Variants in FADS1 observed in about 807,000 individuals in gnomAD.
The protein encoded by FADS1 is fatty acid desaturase 1.
Under a neutral mutation model 61.6 loss-of-function variants are expected in FADS1, and 17 were observed. The observed-to-expected ratio is 0.28, with a 90% confidence interval of 0.19 to 0.41. The LOEUF (loss-of-function observed/expected upper bound fraction) is 0.41, where lower values mean the gene tolerates loss of function less well. Ranked by LOEUF, FADS1 falls within the 10% of genes least tolerant of loss-of-function variation. The pLI is 1.00. For missense variants in FADS1, 387 were observed against 650.9 expected (o/e 0.59, Z 4.41); for synonymous variants, 238 against 258.7 (o/e 0.92, Z 0.77).
chr11:61,802,242 A>C lies in FADS1; in HGVS notation c.*169T>G, dbSNP rs2066860408. ...GTGTCCACCCCCCACTTTGGGTCTT[A>C]GAACTGTGGCTAGAAGATAAAAGGG... On this transcript the variant is annotated 3_prime_UTR_variant, in exon 12 of 12. Coordinates refer to ENST00000350997, the MANE Select transcript of FADS1 (RefSeq NM_013402.7). The surrounding 1 kb of genome is among the most constrained non-coding windows in gnomAD (Gnocchi z 4.2). 3 of 657,318 alleles carry C rather than the reference A, an allele frequency of 4.6e-6. No individual in the cohort carries two copies. The highest frequency in any genetic ancestry group is 3.6e-5 in the South Asian group (2 of 55,986). The allele number at this position is 657,318 out of a possible 1,614,324, so 40.7% of individuals were successfully genotyped here. A position where few individuals can be genotyped will look rare whatever the true frequency, so the allele number is the denominator to read the frequency against.
In FADS1 at chr11:61,816,744, C is replaced by T. The variant is rs1364380970; in HGVS notation, c.186G>A (p.Pro62=). The change falls in exon 1 of 12, where the codon CCG becomes CCA. Residue 62 remains proline (P), a synonymous_variant. Coordinates refer to ENST00000350997, the MANE Select transcript of FADS1 (RefSeq NM_013402.7). The surrounding 1 kb of genome is among the most constrained non-coding windows in gnomAD (Gnocchi z 7.0). ...CCTGAGCCGCGGTCTCGGCGGCCAC[C>T]GGGTCGGGGGCCATAGCTGGCCTGG... The part of the protein sequence containing the change: ...GVARPAMAPD[P]VAAETAAQGP... The T allele has an allele frequency of 1.3e-6, 2 of 1,551,944 alleles. No individual in the cohort carries two copies. The highest frequency in any genetic ancestry group is 1.7e-6 in the Non-Finnish European group (2 of 1,149,584).
chr11:61,816,090 A>G lies in FADS1; in HGVS notation c.375+465T>C. Reference sequence around the variant, plus strand: ...TGCTCCCTCTCCGCTCCTGCTGGCGAGTGGAGACCGGCACCTAGGTCCAGA... The same window carrying G: ...TGCTCCCTCTCCGCTCCTGCTGGCGGGTGGAGACCGGCACCTAGGTCCAGA... On this transcript the variant is annotated intron_variant, in intron 1 of 11. Transcript: ENST00000350997. The surrounding 1 kb of genome is among the most constrained non-coding windows in gnomAD (Gnocchi z 7.0). 1 of 609,178 alleles carries G rather than the reference A, an allele frequency of 1.6e-6. No homozygotes were observed. Among genetic ancestry groups the G allele is most frequent in the Non-Finnish European group, 2.9e-6 (1 of 348,692 alleles). The allele number at this position is 609,178 out of a possible 1,614,324, so 37.7% of individuals were successfully genotyped here. A position where few individuals can be genotyped will look rare whatever the true frequency, so the allele number is the denominator to read the frequency against.
At chr11:61,806,856 A>G in intron 5 of FADS1, 132 bp from the exon 6 acceptor site, 1 of 801,384 alleles carries the variant, frequency 1.2e-6, no homozygotes, top group Non-Finnish European at 2.2e-6. Context: ...GAAAGCTCCA[A>G]GAGGCCCAGC....
rs201616473 is a variant in FADS1 at position 61,802,895 on chromosome 11, G to A, written c.1360C>T (p.His454Tyr). ...GACTGCACCAGGGGAGCCACTTTGT[G>A]GTAATTGTGTCGAGGCATCGTGGGA... is the stretch of plus-strand genomic sequence containing the variant. Reference protein sequence around the residue: ...LFPTMPRHNYHKVAPLVQSLC... With the variant: ...LFPTMPRHNYYKVAPLVQSLC... Residue 454 changes from histidine (H) to tyrosine (Y), a missense_variant, in exon 11 of 12, where the codon CAC becomes TAC. His to Tyr is a moderately conservative substitution (Grantham distance 83). This residue lies in a region of FADS1 where 257 missense variants were observed against 533.3 expected (regional missense o/e 0.48). Coordinates refer to ENST00000350997, the MANE Select transcript of FADS1 (RefSeq NM_013402.7). The surrounding 1 kb of genome is among the most constrained non-coding windows in gnomAD (Gnocchi z 4.2). 116 of 1,614,066 alleles carry A rather than the reference G, an allele frequency of 7.2e-5. No individual in the cohort carries two copies. The African/African-American group carries it at 1.4e-3, about 19-fold the overall frequency.
Position 61,806,980 on chromosome 11 carries a change from G to A in FADS1, c.916-256C>T, listed in dbSNP as rs538005771. 1.8e-4 allele frequency among the ~76,000 whole-genome samples: 27 copies of A among 152,376 alleles called. No homozygotes were observed. The South Asian group carries it at 1.9e-3, about 11-fold the overall frequency. On this transcript the variant is annotated intron_variant, in intron 5 of 11. Transcript: ENST00000350997. Reference sequence around the variant, plus strand: ...ACATGAGGGATGTGCACAGCACAGAGTCTACAGGACCACAGGCCCTCTTGT... The same window carrying A: ...ACATGAGGGATGTGCACAGCACAGAATCTACAGGACCACAGGCCCTCTTGT...
rs2066869827 is a variant in FADS1 at position 61,803,247 on chromosome 11, G to A, written c.1248+116C>T. ...CCCTTCACATGGTTGCAGAACAAGAGCCTCAGGCTAATGAGAAAATGCTGT... is the reference window on the plus strand; with the variant it reads ...CCCTTCACATGGTTGCAGAACAAGAACCTCAGGCTAATGAGAAAATGCTGT... On this transcript the variant is annotated intron_variant, in intron 9 of 11. Transcript: ENST00000350997. This position sits in a 1 kb window ranked among gnomAD's most constrained non-coding sequence, Gnocchi z 4.3. The A allele has an allele frequency of 8.1e-7, 1 of 1,235,360 alleles. No homozygotes were observed. The allele number at this position is 1,235,360 out of a possible 1,614,324, so 76.5% of individuals were successfully genotyped here.
intron 6 of FADS1, chr11:61,806,402 C>T (rs1476228066): frequency 3.9e-6 from 2 of 519,016 alleles, no homozygotes; most frequent in Non-Finnish European, 6.9e-6. Context: ...CCCCTCTACA[C>T]CCCAAACACC....
At chr11:61,806,775 T>C (rs767493929) in intron 5 of FADS1, 51 bp from the exon 6 acceptor site, 22 of 1,547,676 alleles carry the variant, frequency 1.4e-5, no homozygotes, top group Non-Finnish European at 2.0e-5. Context: ...GATTCCTCCC[T>C]CTGTGACTTG....
intron 7 of FADS1, chr11:61,804,407 T>C: frequency 2.4e-6 from 1 of 415,946 alleles, no homozygotes. Flanking sequence ...TTGTCTCTCA[T>C]TCATCTTCCC....
chr11:61,816,813 C>T lies in FADS1; in HGVS notation c.117G>A (p.Pro39=), dbSNP rs1445291923. Reference sequence around the variant, plus strand: ...CAGCAGGGGCTGTCAGGCGCGTGCTCGGGGTCCGCGGGCTCCAGGAGTGGA... The same window carrying T: ...CAGCAGGGGCTGTCAGGCGCGTGCTTGGGGTCCGCGGGCTCCAGGAGTGGA... ...QQIHSWSPRT[P]STRLTAPAGP... The change falls in exon 1 of 12, where the codon CCG becomes CCA. Residue 39 remains proline (P), a synonymous_variant. Coordinates refer to ENST00000350997, the MANE Select transcript of FADS1 (RefSeq NM_013402.7). The surrounding 1 kb of genome is among the most constrained non-coding windows in gnomAD (Gnocchi z 7.0). The T allele has an allele frequency of 8.7e-6, 13 of 1,492,246 alleles. No homozygotes were observed. Among genetic ancestry groups the T allele is most frequent in the Admixed American group, 2.4e-5 (1 of 41,438 alleles). The allele number at this position is 1,492,246 out of a possible 1,614,324, so 92.4% of individuals were successfully genotyped here. A position where few individuals can be genotyped will look rare whatever the true frequency, so the allele number is the denominator to read the frequency against.
chr11:61,804,303 G>A, intron 7 of FADS1: 1 of 216,790 alleles, frequency 4.6e-6, no homozygotes, highest in East Asian at 1.1e-4. Flanking sequence ...GTGCAGTCAG[G>A]CCCCTTTTGG....
intron 6 of FADS1, 147 bp downstream of exon 6, chr11:61,806,517 A>C: frequency 1.4e-6 from 1 of 711,648 alleles, no homozygotes; most frequent in Non-Finnish European, 2.5e-6. Context: ...AACTGCTGTC[A>C]TGCAGGGAGT....
chr11:61,816,212 C>T lies in FADS1; in HGVS notation c.375+343G>A, dbSNP rs2066981013. Reference sequence around the variant, plus strand: ...TCCCCAGGCGGCCTGCATCCTTGCTCTCCTCCCTCCTAGCCTACCCAGCTC... The same window carrying T: ...TCCCCAGGCGGCCTGCATCCTTGCTTTCCTCCCTCCTAGCCTACCCAGCTC... On this transcript the variant is annotated intron_variant, in intron 1 of 11. Coordinates refer to ENST00000350997, the MANE Select transcript of FADS1 (RefSeq NM_013402.7). The surrounding 1 kb of genome is among the most constrained non-coding windows in gnomAD (Gnocchi z 7.0). 7.0e-6 allele frequency: 11 copies of T among 1,567,770 alleles called. 1 individual carries two copies. In the South Asian group the frequency reaches 9.1e-5, roughly 13 times the overall value.
Position 61,803,191 on chromosome 11 carries a change from G to T in FADS1, c.1249-80C>A. The T allele has an allele frequency of 7.1e-7, 1 of 1,416,812 alleles. No homozygotes were observed. The highest frequency in any genetic ancestry group is 1.0e-6 in the Non-Finnish European group (1 of 1,004,354). The allele number at this position is 1,416,812 out of a possible 1,614,324, so 87.8% of individuals were successfully genotyped here. ...CAGCATTCTCCAGGTAAAGCTGGCT[G>T]AGGAAGGGACATGAGACTGTCTTGG... On this transcript the variant is annotated intron_variant, in intron 9 of 11. Transcript: ENST00000350997. This position sits in a 1 kb window ranked among gnomAD's most constrained non-coding sequence, Gnocchi z 4.3.
intron 6 of FADS1, chr11:61,806,327 C>T (rs889206740): frequency 3.1e-4 from 67 of 217,782 alleles, no homozygotes; most frequent in African/African-American, 1.3e-3. Flanking sequence ...CCGGCCTGGG[C>T]GACAGAGCAA....
Position 61,812,781 on chromosome 11 carries a change from A to G in FADS1, c.487-113T>C, listed in dbSNP as rs73487462. ...CCACTGAGGTAGCTGTGGGAAGTCCACAGTCCTAGGCAAAGATACCACGAC... is the reference window on the plus strand; with the variant it reads ...CCACTGAGGTAGCTGTGGGAAGTCCGCAGTCCTAGGCAAAGATACCACGAC... On this transcript the variant is annotated intron_variant, in intron 2 of 11. Coordinates refer to ENST00000350997, the MANE Select transcript of FADS1 (RefSeq NM_013402.7). The G allele has an allele frequency of 8.4e-4, 758 of 900,064 alleles. 6 individuals carry two copies. The African/African-American group carries it at 0.01, about 12-fold the overall frequency. 55.8% of individuals were successfully genotyped at this position (900,064 alleles called of 1,614,324 possible). A position where few individuals can be genotyped will look rare whatever the true frequency, so the allele number is the denominator to read the frequency against.
Position 61,803,026 on chromosome 11 carries a change from A to G in FADS1, c.1328+6T>C. On this transcript the variant is annotated splice_donor_region_variant and intron_variant, in intron 10 of 11. Coordinates refer to ENST00000350997, the MANE Select transcript of FADS1 (RefSeq NM_013402.7). The surrounding 1 kb of genome is among the most constrained non-coding windows in gnomAD (Gnocchi z 4.3). Reference sequence around the variant, plus strand: ...AGGACCCTGCTTCCCCAGGCTCCCTACTCACTGGTGCTCAATCTGGAAGTT... The same window carrying G: ...AGGACCCTGCTTCCCCAGGCTCCCTGCTCACTGGTGCTCAATCTGGAAGTT... The G allele has an allele frequency of 6.2e-7, 1 of 1,614,070 alleles. No homozygotes were observed. Among genetic ancestry groups the G allele is most frequent in the Non-Finnish European group, 8.5e-7 (1 of 1,179,986 alleles).
intron 5 of FADS1, 53 bp downstream of exon 5, chr11:61,810,698 T>C: frequency 6.2e-7 from 1 of 1,607,292 alleles, no homozygotes; most frequent in South Asian, 1.1e-5. Context: ...CCAACTCCCC[T>C]ATGTTGGCTG....
chr11:61,814,211 ACACAGAAG>A (rs2066953898), intron 1 of FADS1: 1 of 152,644 alleles, frequency 6.6e-6, no homozygotes, highest in African/African-American at 2.4e-5. Flanking sequence ...CCAACTCCTG[ACACAGAAG>A]CACAGGCCAT....
Sources: allele counts gnomAD v4.1 joint callset (sites outside exome capture counted in the v4.1 genomes callset), GRCh38; gene constraint gnomAD v4.1.1; regional missense constraint gnomAD v4.1.1; non-coding constraint Gnocchi (gnomAD v3.1); transcripts MANE v1.5; gene names NCBI Gene and HGNC (gene_info 2026-07-23, HGNC 2026-07-21).